Variants in B3GALT1 observed in about 807,000 individuals in gnomAD.
The protein encoded by B3GALT1 is UDP-Gal:betaGlcNAc beta 1,3-galactosyltransferase, polypeptide 1.
In B3GALT1, 10 loss-of-function variants were observed where a neutral mutation model predicts 23.2. The ratio of observed to expected loss-of-function variants is 0.43; its 90% confidence interval spans 0.27 to 0.73. The LOEUF (loss-of-function observed/expected upper bound fraction) is 0.73. B3GALT1 is among the 30% of genes least tolerant of loss of function. The pLI is 0.21. For missense variants in B3GALT1, 299 were observed against 405.4 expected (o/e 0.74, Z 2.25); for synonymous variants, 156 against 141.5 (o/e 1.10, Z -0.73).
At chr2:167,677,753 C>T (rs147994442) in intron 3 of B3GALT1, among the ~76,000 whole-genome samples, 3,336 of 152,200 alleles carry the variant, frequency 0.022, 73 homozygotes, top group Middle Eastern at 0.068. Flanking sequence ...ACCCAAGACT[C>T]GGTAATTTAT....
chr2:167,712,707 C>G (rs975634698), intron 3 of B3GALT1, among the ~76,000 whole-genome samples: 32 of 151,994 alleles, frequency 2.1e-4, no homozygotes, highest in Non-Finnish European at 4.1e-4. Context: ...TTCTTTTGTT[C>G]TTCTTCCAGA....
intron 2 of B3GALT1, among the ~76,000 whole-genome samples, chr2:167,542,137 T>A (rs534232312): frequency 7.8e-6 from 1 of 127,922 alleles, no homozygotes; most frequent in African/African-American, 3.4e-5. Flanking sequence ...TTTTATATAT[T>A]TTTTTAAATG....
intron 1 of B3GALT1, among the ~76,000 whole-genome samples, chr2:167,308,331 A>G (rs910968593): frequency 2.6e-5 from 4 of 151,996 alleles, no homozygotes; most frequent in East Asian, 1.9e-4. Context: ...AATGGTATCT[A>G]TTACTAGAAA....
intron 1 of B3GALT1, among the ~76,000 whole-genome samples, chr2:167,354,433 G>A (rs201924038): frequency 2.0e-4 from 29 of 147,518 alleles, no homozygotes; most frequent in Admixed American, 6.2e-4. Flanking sequence ...TGCAACCTCC[G>A]CCTCCTGGGT....
Position 167,431,170 on chromosome 2 carries a change from G to A in B3GALT1, c.-510-59007G>A, listed in dbSNP as rs145267137. Among the ~76,000 whole-genome samples the A allele has an allele frequency of 3.9e-5, 6 of 152,204 alleles. No homozygotes were observed. In the South Asian group the frequency reaches 8.3e-4, roughly 21 times the overall value. ...AACAGTCTCGGTTGAATAATCATCC[G>A]ACCTTCACATAGAGTAAAGTGAAGT... On this transcript the variant is annotated intron_variant, in intron 1 of 4. Coordinates refer to ENST00000392690, the MANE Select transcript of B3GALT1 (RefSeq NM_020981.4).
intron 2 of B3GALT1, among the ~76,000 whole-genome samples, chr2:167,545,656 A>G (rs1372168701): frequency 6.6e-6 from 1 of 152,106 alleles, no homozygotes; most frequent in Non-Finnish European, 1.5e-5. Context: ...GACACCAGCC[A>G]CAAGTTCAAG....
At chr2:167,425,028 T>G (rs1396050025) in intron 1 of B3GALT1, among the ~76,000 whole-genome samples, 6 of 152,234 alleles carry the variant, frequency 3.9e-5, no homozygotes, top group Non-Finnish European at 8.8e-5. Flanking sequence ...AAGCTACATC[T>G]TGCCAGTGGT....
chr2:167,800,871 A>G (rs1365108850), intron 3 of B3GALT1, among the ~76,000 whole-genome samples: 1 of 152,212 alleles, frequency 6.6e-6, no homozygotes, highest in Admixed American at 6.5e-5. Context: ...TCCCAAGCTC[A>G]TTTAGCTTTG....
intron 2 of B3GALT1, among the ~76,000 whole-genome samples, chr2:167,495,759 A>G (rs1699775017): frequency 6.6e-6 from 1 of 152,128 alleles, no homozygotes; most frequent in Non-Finnish European, 1.5e-5. Context: ...TTCAGGGAAA[A>G]GATGGTGCTT....
At chr2:167,567,243 A>T (rs577375974) in intron 2 of B3GALT1, among the ~76,000 whole-genome samples, 1 of 152,192 alleles carries the variant, frequency 6.6e-6, no homozygotes, top group Non-Finnish European at 1.5e-5. Flanking sequence ...AAAAAATAAG[A>T]AATAGAATTA....
intron 4 of B3GALT1, among the ~76,000 whole-genome samples, chr2:167,860,931 T>C (rs1271840328): frequency 2.0e-5 from 3 of 152,178 alleles, no homozygotes; most frequent in African/African-American, 7.2e-5. Flanking sequence ...CGTGCTTCAT[T>C]CTTCTTTGAA....
At chr2:167,661,881 A>G (rs114589251) in intron 3 of B3GALT1, among the ~76,000 whole-genome samples, 3 of 152,262 alleles carry the variant, frequency 2.0e-5, no homozygotes, top group African/African-American at 2.4e-5. Context: ...ACATGAAGCT[A>G]CACTATGAGA....
At chr2:167,392,970 C>T (rs1383788642) in intron 1 of B3GALT1, among the ~76,000 whole-genome samples, 1 of 152,148 alleles carries the variant, frequency 6.6e-6, no homozygotes, top group Non-Finnish European at 1.5e-5. Flanking sequence ...CGCAGTGGCT[C>T]ACACCTGTAA....
At chr2:167,668,398 C>CT (rs770716953) in intron 3 of B3GALT1, among the ~76,000 whole-genome samples, 1 of 152,156 alleles carries the variant, frequency 6.6e-6, no homozygotes, top group Non-Finnish European at 1.5e-5. Flanking sequence ...TTACTGCTAT[C>CT]TTTTGTTTGT....
chr2:167,579,448 C>T (rs1238299), intron 2 of B3GALT1, among the ~76,000 whole-genome samples: 55,882 of 110,174 alleles, frequency 0.51, 13,266 homozygotes, highest in East Asian at 0.87. Context: ...TTTTTTTTTT[C>T]CATTTAAATT....
At chr2:167,803,175 G>A (rs1688673943) in intron 3 of B3GALT1, among the ~76,000 whole-genome samples, 2 of 151,312 alleles carry the variant, frequency 1.3e-5, no homozygotes, top group Admixed American at 1.3e-4. Context: ...CCATCAAACA[G>A]GAAAGTCTAC....
At chr2:167,660,414 A>C (rs935639) in intron 3 of B3GALT1, among the ~76,000 whole-genome samples, 88,304 of 151,934 alleles carry the variant, frequency 0.58, 28,979 homozygotes, top group Admixed American at 0.72. Context: ...AGATAAGTTC[A>C]AAGATGATTC....
At position 167,382,071 on chromosome 2, in the gene B3GALT1, G is replaced by A. The variant is rs17563397; in HGVS notation, c.-511+88737G>A. Among the ~76,000 whole-genome samples, 661 of 152,260 alleles carry A rather than the reference G, an allele frequency of 4.3e-3. 3 individuals are homozygous for A. Among genetic ancestry groups the A allele is most frequent in the Non-Finnish European group, 7.4e-3 (502 of 68,020 alleles). On this transcript the variant is annotated intron_variant, in intron 1 of 4. Coordinates refer to ENST00000392690, the MANE Select transcript of B3GALT1 (RefSeq NM_020981.4). ...AAATAAGTTATTGGGCTTAAATTGA[G>A]GCCATTCATTTAAAACCCAATAAAT...
chr2:167,597,581 A>T (rs1400863246), intron 2 of B3GALT1, among the ~76,000 whole-genome samples: 2 of 152,180 alleles, frequency 1.3e-5, no homozygotes, highest in Non-Finnish European at 2.9e-5. Flanking sequence ...GAGCTTTGGG[A>T]TTTCCATATC....
Sources: gnomAD v4.1 joint callset for allele counts (sites outside exome capture counted in the v4.1 genomes callset) on GRCh38, gnomAD v4.1.1 for gene constraint, MANE v1.5 for transcripts, NCBI Gene and HGNC (gene_info 2026-07-23, HGNC 2026-07-21) for gene names.